DDX60L: variants seen among roughly 807,000 people sequenced by gnomAD.
DDX60L encodes DExD/H-box 60 like.
DDX60L carries 191 observed loss-of-function variants against 211.6 expected under a neutral mutation model. The ratio of observed to expected loss-of-function variants is 0.90; its 90% CI spans 0.80 to 1.02. The LOEUF is 1.02. DDX60L is among the 50% of genes least tolerant of loss of function. The probability of loss-of-function intolerance (pLI) is 0.00; values close to 1 mark genes in which losing one functional copy is unlikely to be tolerated. For missense variants in DDX60L, 2,007 were observed against 1,984.1 expected (o/e 1.01, Z -0.22); for synonymous variants, 706 against 694.1 (o/e 1.02, Z -0.27).
intron 36 of DDX60L, 49 bp from the exon 37 acceptor site, chr4:168,361,260 A>G (rs1171375333): frequency 7.7e-7 from 1 of 1,294,384 alleles, no homozygotes; most frequent in Non-Finnish European, 1.1e-6. Context: ...ACATAAACAT[A>G]AAAGAATTAA....
At chr4:168,441,019 A>G (rs1319170882) in intron 10 of DDX60L, among the ~76,000 whole-genome samples, 2 of 152,066 alleles carry the variant, frequency 1.3e-5, no homozygotes, top group Non-Finnish European at 2.9e-5. Flanking sequence ...TCTGTTAAAG[A>G]GATGAGAGGA....
At position 168,421,910 on chromosome 4, in the gene DDX60L, C is replaced by T. The variant is rs115179824; in HGVS notation, c.2245-1G>A. On this transcript the variant is annotated splice_acceptor_variant, in intron 16 of 37. Transcript: ENST00000682922. LOFTEE classifies it high-confidence loss of function. ...TATCTACCACATCCAGGAGTTCCTGCTGCAGGGTACAAAGCACCATTTGTG... is the reference window on the plus strand; with the variant it reads ...TATCTACCACATCCAGGAGTTCCTGTTGCAGGGTACAAAGCACCATTTGTG... The T allele has an allele frequency of 8.5e-4, 1,368 of 1,614,074 alleles. 15 individuals are homozygous for T. The African/African-American group carries it at 0.017, about 20-fold the overall frequency.
intron 7 of DDX60L, among the ~76,000 whole-genome samples, chr4:168,454,242 C>T (rs1218645996): frequency 2.6e-5 from 4 of 152,112 alleles, no homozygotes; most frequent in African/African-American, 9.7e-5. Flanking sequence ...TTTAAGTATT[C>T]AAATTCACAA....
chr4:168,379,335 C>T (rs1477305409), intron 32 of DDX60L, 28 bp downstream of exon 32: 49 of 1,484,740 alleles, frequency 3.3e-5, no homozygotes, highest in Non-Finnish European at 4.0e-5. Flanking sequence ...TGCCATTTTT[C>T]GACTACAGGT....
intron 37 of DDX60L, among the ~76,000 whole-genome samples, chr4:168,359,948 C>T (rs762683199): frequency 6.6e-6 from 1 of 152,112 alleles, no homozygotes; most frequent in Non-Finnish European, 1.5e-5. Flanking sequence ...ATCTGACTAC[C>T]CTAATTATTC....
intron 34 of DDX60L, among the ~76,000 whole-genome samples, chr4:168,374,845 G>C (rs1319723857): frequency 6.6e-6 from 1 of 152,056 alleles, no homozygotes; most frequent in African/African-American, 2.4e-5. Context: ...CTGTAAGCTA[G>C]GTAATATTTT....
intron 26 of DDX60L, 41 bp from the exon 27 acceptor site, chr4:168,396,165 ACT>A: frequency 2.0e-5 from 24 of 1,222,856 alleles, no homozygotes; most frequent in Non-Finnish European, 2.7e-5. Context: ...AGTAATGAAA[ACT>A]CATATTCAGT....
chr4:168,441,466 T>C lies in DDX60L; in HGVS notation c.1165A>G (p.Ile389Val), dbSNP rs1376383816. 1.2e-5 allele frequency: 20 copies of C among 1,603,882 alleles called. No homozygotes were observed. The highest frequency in any genetic ancestry group is 1.6e-5 in the Non-Finnish European group (19 of 1,176,366). Residue 389 changes from isoleucine to valine, a missense_variant, in exon 10 of 38, where the codon ATT becomes GTT. Transcript: ENST00000682922. ...CACAGGTCTTCATAATCCCTCCTAA[T>C]GGAATCTCCCAAATTCAAATGTGGT... The part of the protein sequence containing the change: ...QEPHLNLGDS[I>V]RRDYEDLWNV...
chr4:168,441,549 C>A, intron 9 of DDX60L, 57 bp from the exon 10 acceptor site: 1 of 1,375,524 alleles, frequency 7.3e-7, no homozygotes, highest in South Asian at 1.4e-5. Context: ...CAGACACACA[C>A]AGAGCATCTT....
chr4:168,427,532 C>T (rs545639930), intron 13 of DDX60L, among the ~76,000 whole-genome samples: 1 of 152,138 alleles, frequency 6.6e-6, no homozygotes, highest in Non-Finnish European at 1.5e-5. Flanking sequence ...TTGCCTCTTA[C>T]TGCAGAATAT....
intron 17 of DDX60L, 112 bp from the exon 18 acceptor site, chr4:168,420,492 A>G: frequency 1.5e-6 from 1 of 651,764 alleles, no homozygotes. Flanking sequence ...ACACACACAC[A>G]CACACACACA....
intron 22 of DDX60L, among the ~76,000 whole-genome samples, chr4:168,412,341 G>A (rs1748823514): frequency 6.6e-6 from 1 of 151,990 alleles, no homozygotes. Flanking sequence ...ACTTACCCTG[G>A]GCCAGAGAAA....
intron 10 of DDX60L, among the ~76,000 whole-genome samples, chr4:168,434,619 G>T (rs1752793646): frequency 6.6e-6 from 1 of 152,208 alleles, no homozygotes; most frequent in African/African-American, 2.4e-5. Context: ...AGATAAAGTA[G>T]TTATGGTTAC....
At chr4:168,399,228 G>T (rs1039265791) in intron 26 of DDX60L, among the ~76,000 whole-genome samples, 8 of 152,174 alleles carry the variant, frequency 5.3e-5, no homozygotes, top group African/African-American at 1.9e-4. Flanking sequence ...CGTTATGGGT[G>T]ATGAGCTGGA....
chr4:168,359,561 G>A (rs1214191863), intron 37 of DDX60L, among the ~76,000 whole-genome samples: 3 of 152,078 alleles, frequency 2.0e-5, no homozygotes, highest in Non-Finnish European at 4.4e-5. Context: ...CCTGGAATAT[G>A]GGTATAGCCT....
At chr4:168,404,774 A>G (rs1425993689) in intron 24 of DDX60L, among the ~76,000 whole-genome samples, 1 of 152,224 alleles carries the variant, frequency 6.6e-6, no homozygotes, top group African/African-American at 2.4e-5. Context: ...ATTTTACATC[A>G]GGAAAATTAA....
chr4:168,400,969 A>C lies in DDX60L; in HGVS notation c.3348T>G (p.Asn1116Lys). ...KLPAIFFLFK[N>K]DDVGKRAGSV... is the part of the protein sequence containing the mutation. ...TTCCAGCTCTTTTTCCCACATCATC[A>C]TTCTTAAACCTTAAAACAAATGAAA... Residue 1116 changes from asparagine to lysine, a missense_variant, in exon 26 of 38, where the codon AAT becomes AAG. Asn to Lys is a moderately conservative substitution (Grantham distance 94, BLOSUM62 0). Coordinates refer to ENST00000682922, the MANE Select transcript of DDX60L (RefSeq NM_001012967.3). 1.2e-6 allele frequency: 2 copies of C among 1,612,972 alleles called. No homozygotes were observed. Among genetic ancestry groups the C allele is most frequent in the Non-Finnish European group, 1.7e-6 (2 of 1,179,646 alleles).
chr4:168,423,822 T>G (rs760338363), intron 14 of DDX60L, 48 bp from the exon 15 acceptor site: 1 of 1,256,080 alleles, frequency 8.0e-7, no homozygotes, highest in South Asian at 1.5e-5. Context: ...CAAAAATAAC[T>G]GGTTGATCAC....
At position 168,467,304 on chromosome 4, in the gene DDX60L, G is replaced by A. The variant is rs138625592; in HGVS notation, c.264+4443C>T. Among the ~76,000 whole-genome samples, 22 of 152,110 alleles carry A rather than the reference G, an allele frequency of 1.4e-4. No individual in the cohort carries two copies. The East Asian group carries it at 4.3e-3, about 29-fold the overall frequency. On this transcript the variant is annotated intron_variant, in intron 4 of 37. Transcript: ENST00000682922. ...CACGCCTGTAGTCCCAGCTACTCAG[G>A]AGGCTGAGGTGGGAGGTTCACTTGA...
Sources: gnomAD v4.1 joint callset for allele counts (sites outside exome capture counted in the v4.1 genomes callset) on GRCh38, gnomAD v4.1.1 for gene constraint, MANE v1.5 for transcripts, NCBI Gene and HGNC (gene_info 2026-07-23, HGNC 2026-07-21) for gene names.